Variants in SMURF2 observed in about 807,000 individuals in gnomAD.
SMURF2 encodes the protein SMAD specific E3 ubiquitin protein ligase 2, also known as E3 ubiquitin-protein ligase SMURF2.
Under a neutral mutation model 109.6 loss-of-function variants are expected in SMURF2, and 48 were observed. The ratio of observed to expected loss-of-function variants is 0.44; its 90% CI spans 0.35 to 0.56. The LOEUF (loss-of-function observed/expected upper bound fraction) is 0.56, where lower values mean the gene tolerates loss of function less well. SMURF2 is among the 20% of genes least tolerant of loss of function. The pLI, the probability that SMURF2 is intolerant of heterozygous loss-of-function variation, is 0.01. For synonymous variants in SMURF2, 288 were observed against 317.1 expected, an observed-to-expected ratio of 0.91 and a Z score of 0.97; for missense variants, 575 against 909.0, an observed-to-expected ratio of 0.63 and a Z score of 4.72.
intron 1 of SMURF2, among the ~76,000 whole-genome samples, chr17:64,636,602 CAA>C (rs782425202): frequency 0.014 from 556 of 38,712 alleles, 7 homozygotes; most frequent in African/African-American, 0.047. Context: ...GACTCTGCCT[CAA>C]AAAAAAAAAA....
chr17:64,611,474 G>T (rs1555689586), intron 1 of SMURF2, among the ~76,000 whole-genome samples: 3 of 152,012 alleles, frequency 2.0e-5, no homozygotes, highest in African/African-American at 7.2e-5. Context: ...CCTCCCTCCA[G>T]TTGACTTTCT....
intron 9 of SMURF2, among the ~76,000 whole-genome samples, chr17:64,578,087 A>G (rs1292647322): frequency 2.6e-5 from 4 of 151,822 alleles, no homozygotes; most frequent in African/African-American, 9.7e-5. Context: ...CTGGGATTAC[A>G]GGCACGCGCC....
intron 1 of SMURF2, among the ~76,000 whole-genome samples, chr17:64,658,955 T>C (rs12946832): frequency 0.015 from 2,254 of 152,342 alleles, 19 homozygotes; most frequent in Non-Finnish European, 0.023. Context: ...TGAAATCAGA[T>C]TCTAACCCCC....
chr17:64,653,619 T>C (rs1970667307), intron 1 of SMURF2, among the ~76,000 whole-genome samples: 1 of 152,140 alleles, frequency 6.6e-6, no homozygotes, highest in South Asian at 2.1e-4. Flanking sequence ...GACCAATTTC[T>C]GTATTTTTTG....
Position 64,554,966 on chromosome 17 carries a change from G to T in SMURF2, c.1638C>A (p.Asp546Glu). The change falls in exon 15 of 19, where the codon GAC becomes GAA. Residue 546 changes from aspartate (D) to glutamate (E), a missense_variant. By Grantham distance (45) the Asp-to-Glu change is conservative. This residue lies in a region of SMURF2 where 361 missense variants were observed against 612.1 expected (regional missense o/e 0.59). Transcript: ENST00000262435. The part of the protein sequence containing the change: ...ILENDITGVL[D>E]HTFCVEHNAY... ...CATTATGTTCAACACAGAAGGTATG[G>T]TCCAAAACACCTGTAATATCATTCT... 6 of 1,613,544 alleles carry T rather than the reference G, an allele frequency of 3.7e-6. No homozygotes were observed. The highest frequency in any genetic ancestry group is 5.1e-6 in the Non-Finnish European group (6 of 1,179,742).
chr17:64,570,030 A>G (rs1403148177), intron 10 of SMURF2, among the ~76,000 whole-genome samples: 2 of 152,230 alleles, frequency 1.3e-5, no homozygotes, highest in Non-Finnish European at 2.9e-5. Flanking sequence ...ATCTACAATA[A>G]AGTAAGATCT....
intron 1 of SMURF2, among the ~76,000 whole-genome samples, chr17:64,625,657 T>C (rs1568200457): frequency 1.3e-5 from 2 of 152,302 alleles, no homozygotes; most frequent in Non-Finnish European, 1.5e-5. Flanking sequence ...GCACGTATCT[T>C]ATCTCTTCCT....
chr17:64,588,193 A>G (rs555993081), intron 5 of SMURF2, among the ~76,000 whole-genome samples: 2 of 152,168 alleles, frequency 1.3e-5, no homozygotes, highest in East Asian at 1.9e-4. Context: ...TATACATTCA[A>G]GTAATAACAA....
chr17:64,624,122 A>C (rs552467167), intron 1 of SMURF2, among the ~76,000 whole-genome samples: 1 of 152,256 alleles, frequency 6.6e-6, no homozygotes, highest in African/African-American at 2.4e-5. Context: ...CAAATGACAC[A>C]CTACTGACTA....
intron 12 of SMURF2, chr17:64,560,808 A>AC (rs1969202515): frequency 6.6e-6 from 1 of 151,316 alleles, no homozygotes; most frequent in South Asian, 2.1e-4. Context: ...AAAAAAAAAA[A>AC]AACAAAAACT....
At chr17:64,635,783 T>C (rs1234170044) in intron 1 of SMURF2, among the ~76,000 whole-genome samples, 1 of 152,232 alleles carries the variant, frequency 6.6e-6, no homozygotes, top group African/African-American at 2.4e-5. Flanking sequence ...ATAATGCTAC[T>C]ATGCACAAGA....
At chr17:64,598,052 C>G (rs1224675576) in intron 3 of SMURF2, among the ~76,000 whole-genome samples, 17 of 151,974 alleles carry the variant, frequency 1.1e-4, no homozygotes, top group African/African-American at 4.1e-4. Flanking sequence ...CAAAAAGAAG[C>G]CTATTCAGTG....
At chr17:64,650,224 A>C (rs1970617901) in intron 1 of SMURF2, among the ~76,000 whole-genome samples, 1 of 139,708 alleles carries the variant, frequency 7.2e-6, no homozygotes, top group African/African-American at 2.8e-5. Context: ...TTTTTTTGAG[A>C]CCATGTCTCA....
At chr17:64,562,285 CAAAAAAAAAAAAAAAAAAAAA>C (rs782461489) in intron 11 of SMURF2, among the ~76,000 whole-genome samples, 1 of 19,010 alleles carries the variant, frequency 5.3e-5, no homozygotes, top group Non-Finnish European at 1.1e-4. Flanking sequence ...GACTCCGTCT[CAAAAAAAAAAAAAAAAAAAAA>C]AAAAAAAGAG....
At position 64,559,754 on chromosome 17, in the gene SMURF2, T is replaced by A. The variant is rs545299624; in HGVS notation, c.1316+1746A>T. Among the ~76,000 whole-genome samples the A allele has an allele frequency of 7.5e-4, 95 of 126,210 alleles. 6 individuals are homozygous for A. The Admixed American group carries it at 7.8e-3, about 10-fold the overall frequency. 82.8% of individuals were successfully genotyped at this position (126,210 alleles called of 152,430 possible). On this transcript the variant is annotated intron_variant, in intron 12 of 18. Coordinates refer to ENST00000262435, the MANE Select transcript of SMURF2 (RefSeq NM_022739.4). ...CCTGTTTCTACCAAAAAAAAAAAAA[T>A]TTTTTTTTTTTTGAGACGGAGTCAC...
At chr17:64,556,885 C>T (rs559297732) in intron 13 of SMURF2, among the ~76,000 whole-genome samples, 7 of 152,116 alleles carry the variant, frequency 4.6e-5, no homozygotes, top group African/African-American at 1.4e-4. Flanking sequence ...GTAACACACG[C>T]GCACGCACAC....
chr17:64,611,953 A>T (rs77698529), intron 1 of SMURF2, among the ~76,000 whole-genome samples: 1 of 152,010 alleles, frequency 6.6e-6, no homozygotes, highest in African/African-American at 2.4e-5. Context: ...TCTCAAATGT[A>T]TCTCTCTCAC....
chr17:64,586,931 C>T (rs1168653121), intron 5 of SMURF2, among the ~76,000 whole-genome samples: 4 of 151,866 alleles, frequency 2.6e-5, no homozygotes, highest in Admixed American at 6.6e-5. Flanking sequence ...TTTGGGAGGC[C>T]GAGGCAGGCA....
At chr17:64,656,068 T>C (rs1278755168) in intron 1 of SMURF2, among the ~76,000 whole-genome samples, 1 of 152,192 alleles carries the variant, frequency 6.6e-6, no homozygotes, top group Non-Finnish European at 1.5e-5. Context: ...GATGGCTAAA[T>C]AGCAATTGCA....
Sources: allele counts gnomAD v4.1 joint callset (sites outside exome capture counted in the v4.1 genomes callset), GRCh38; gene constraint gnomAD v4.1.1; regional missense constraint gnomAD v4.1.1; transcripts MANE v1.5; gene names NCBI Gene and HGNC (gene_info 2026-07-23, HGNC 2026-07-21).